Variants in MS4A3 observed in about 807,000 individuals in gnomAD.
MS4A3 encodes the protein membrane spanning 4-domains A3.
In MS4A3, 18 loss-of-function variants were observed where a neutral mutation model predicts 24.7. The ratio of observed to expected loss-of-function variants is 0.73; its 90% CI spans 0.50 to 1.08. The LOEUF (loss-of-function observed/expected upper bound fraction) is 1.08, where lower values mean the gene tolerates loss of function less well. Ranked by LOEUF, MS4A3 falls within the 50% of genes least tolerant of loss-of-function variation. MS4A3 has a pLI of 0.00. For synonymous variants in MS4A3, 84 were observed against 95.3 expected (o/e 0.88, Z 0.69); for missense variants, 282 against 251.7 (o/e 1.12, Z -0.82).
chr11:60,058,008 A>T (rs1052922885), intron 1 of MS4A3, among the ~76,000 whole-genome samples: 8 of 152,164 alleles, frequency 5.3e-5, no homozygotes, highest in African/African-American at 1.9e-4. Context: ...CCATCTGATG[A>T]TTCTGAGCTA....
chr11:60,070,147 G>A (rs1323536443), intron 6 of MS4A3, 57 bp from the exon 7 acceptor site: 18 of 1,387,730 alleles, frequency 1.3e-5, no homozygotes, highest in Non-Finnish European at 1.5e-5. Flanking sequence ...GGAAGGGATG[G>A]GAGGAGAAGG....
In MS4A3 at chr11:60,062,479, C is replaced by A. The variant is rs1239557180; in HGVS notation, c.168C>A (p.Ile56=). Residue 56 remains isoleucine, a synonymous_variant, in exon 3 of 7, where the codon ATC becomes ATA. Coordinates refer to ENST00000278865, the MANE Select transcript of MS4A3 (RefSeq NM_006138.5). ...AKLQVLGAIQ[I]LNAAMILALG... The stretch of plus-strand genomic sequence containing the variant: ...CTTTCTTCTTTCAGGCCATCCAGAT[C>A]CTGAATGCAGCAATGATTCTGGCTT... 2 of 1,614,016 alleles carry A rather than the reference C, an allele frequency of 1.2e-6. No individual in the cohort carries two copies. The highest frequency in any genetic ancestry group is 1.3e-5 in the African/African-American group (1 of 74,934).
chr11:60,059,140 G>T (rs1418543813), intron 1 of MS4A3, among the ~76,000 whole-genome samples: 1 of 152,110 alleles, frequency 6.6e-6, no homozygotes, highest in East Asian at 1.9e-4. Context: ...TATTGGTAGA[G>T]AATTTTATGA....
chr11:60,066,421 T>C (rs992075441), intron 4 of MS4A3, among the ~76,000 whole-genome samples: 1 of 152,258 alleles, frequency 6.6e-6, no homozygotes, highest in African/African-American at 2.4e-5. Context: ...GAGCCCCACA[T>C]GATTTGGCTC....
chr11:60,063,968 A>T (rs1475351759), intron 3 of MS4A3, among the ~76,000 whole-genome samples: 1 of 152,146 alleles, frequency 6.6e-6, no homozygotes, highest in Non-Finnish European at 1.5e-5. Flanking sequence ...ACCACTAAAG[A>T]ACTTATCCAT....
At chr11:60,056,926 G>A (rs1438984065) in intron 1 of MS4A3, among the ~76,000 whole-genome samples, 186 bp downstream of exon 1, 1 of 152,118 alleles carries the variant, frequency 6.6e-6, no homozygotes, top group Non-Finnish European at 1.5e-5. Flanking sequence ...ATGATAAAAA[G>A]TGTTAGACAT....
intron 6 of MS4A3, among the ~76,000 whole-genome samples, 189 bp from the exon 7 acceptor site, chr11:60,070,015 G>A (rs915575490): frequency 8.6e-5 from 13 of 152,034 alleles, no homozygotes; most frequent in African/African-American, 3.1e-4. Flanking sequence ...ACTGTAAAAT[G>A]AAAATAATAT....
At position 60,069,634 on chromosome 11, in the gene MS4A3, A is replaced by G. The variant is rs748458781; in HGVS notation, c.574A>G (p.Ile192Val). 22 of 1,613,640 alleles carry G rather than the reference A, an allele frequency of 1.4e-5. No individual in the cohort carries two copies. Among genetic ancestry groups the G allele is most frequent in the Middle Eastern group, 1.6e-4 (1 of 6,082 alleles). ...GGAATTATGCGTAACCATCTCTACC[A>G]TAGCCATGTGGTGCAATGCAAACTG... ...LLELCVTISTIAMWCNANCCN... is the reference protein window; with the variant it reads ...LLELCVTISTVAMWCNANCCN... The change falls in exon 6 of 7, where the codon ATA becomes GTA. Residue 192 changes from isoleucine (I) to valine (V), a missense_variant. Physicochemically the swap from Ile to Val is conservative, Grantham distance 29. Transcript: ENST00000278865.
chr11:60,064,250 A>G lies in MS4A3; in HGVS notation c.295-12A>G, dbSNP rs184217701. On this transcript the variant is annotated splice_polypyrimidine_tract_variant and intron_variant, in intron 3 of 6. Coordinates refer to ENST00000278865, the MANE Select transcript of MS4A3 (RefSeq NM_006138.5). The stretch of plus-strand genomic sequence containing the variant: ...TATTCCTTTATCTGTTTTCCTTCCT[A>G]TTTTCAAACAGTTCTGTAGTTCAGG... The G allele has an allele frequency of 1.9e-6, 3 of 1,596,546 alleles. No individual in the cohort carries two copies. The highest frequency in any genetic ancestry group is 4.5e-5 in the East Asian group (2 of 43,996).
rs1257710110 is a variant in MS4A3 at position 60,067,042 on chromosome 11, AG to A, written c.444del (p.Gln148HisfsTer3). 1 of 1,613,336 alleles carries A rather than the reference AG, an allele frequency of 6.2e-7. No homozygotes were observed. On this transcript the variant is annotated frameshift_variant, in exon 5 of 7. Transcript: ENST00000278865. LOFTEE classifies it high-confidence loss of function. ...TCACTAAATATAGCAGTTAATATCC[AG>A]TCATTAAGGAGTTGTCACTCTTCAT... The part of the protein sequence containing the change: ...FLSLNIAVNI[Q>X]SLRSCHSSSE...
At chr11:60,058,902 T>C (rs1286288) in intron 1 of MS4A3, among the ~76,000 whole-genome samples, 89,576 of 151,972 alleles carry the variant, frequency 0.59, 26,842 homozygotes, top group East Asian at 0.78. Context: ...GTTAGGAACT[T>C]ATTCACATAG....
chr11:60,057,699 C>T (rs923446928), intron 1 of MS4A3, among the ~76,000 whole-genome samples: 7 of 152,106 alleles, frequency 4.6e-5, no homozygotes, highest in East Asian at 1.9e-4. Flanking sequence ...CCACTGCACC[C>T]GGACCATTTC....
chr11:60,068,050 CAAAAAATA>C (rs913212953), intron 5 of MS4A3, among the ~76,000 whole-genome samples: 30 of 151,424 alleles, frequency 2.0e-4, no homozygotes, highest in African/African-American at 4.8e-4. Flanking sequence ...GAAACTGTCT[CAAAAAATA>C]AAAAAATAAA....
At chr11:60,059,621 A>G (rs1393822085) in intron 1 of MS4A3, among the ~76,000 whole-genome samples, 1 of 152,080 alleles carries the variant, frequency 6.6e-6, no homozygotes, top group Non-Finnish European at 1.5e-5. Context: ...CTTATAAGTG[A>G]GAATATGTGG....
chr11:60,058,506 C>CAAA (rs58722616), intron 1 of MS4A3, among the ~76,000 whole-genome samples: 2,776 of 17,880 alleles, frequency 0.16, 1,223 homozygotes, highest in South Asian at 0.28. Context: ...AGCTCCAACT[C>CAAA]AAAAAAAAAA....
chr11:60,059,404 G>A (rs1313446801), intron 1 of MS4A3, among the ~76,000 whole-genome samples: 1 of 152,016 alleles, frequency 6.6e-6, no homozygotes, highest in Non-Finnish European at 1.5e-5. Flanking sequence ...TCAATAAAAA[G>A]CTTTTATTTT....
At chr11:60,058,333 C>A (rs184209661) in intron 1 of MS4A3, among the ~76,000 whole-genome samples, 1 of 150,806 alleles carries the variant, frequency 6.6e-6, no homozygotes, top group East Asian at 2.0e-4. Context: ...ATGGTAAAAC[C>A]CCATCTCTAC....
At chr11:60,066,803 C>A in intron 4 of MS4A3, 148 bp from the exon 5 acceptor site, 1 of 600,400 alleles carries the variant, frequency 1.7e-6, no homozygotes, top group African/African-American at 1.9e-5. Flanking sequence ...GGACAGAAAT[C>A]TTTCTTTGGT....
chr11:60,066,641 C>T (rs1855365394), intron 4 of MS4A3, among the ~76,000 whole-genome samples: 1 of 152,212 alleles, frequency 6.6e-6, no homozygotes, highest in African/African-American at 2.4e-5. Flanking sequence ...CATGAACCCC[C>T]ACTCCTCTCT....
Sources: allele counts gnomAD v4.1 joint callset (sites outside exome capture counted in the v4.1 genomes callset), GRCh38; gene constraint gnomAD v4.1.1; transcripts MANE v1.5; gene names NCBI Gene and HGNC (gene_info 2026-07-23, HGNC 2026-07-21).